WDR12: variants seen among roughly 807,000 people sequenced by gnomAD.
WDR12 encodes the protein ribosome biogenesis protein WDR12.
In WDR12, 42 loss-of-function variants were observed where a neutral mutation model predicts 64.3. The ratio of observed to expected loss-of-function variants is 0.65; its 90% confidence interval spans 0.51 to 0.84. The LOEUF is 0.84. Among genes scored for constraint, WDR12 ranks in the 40% least tolerant of loss-of-function variants. WDR12 has a pLI of 0.00. For synonymous variants in WDR12, 158 were observed against 173.3 expected (o/e 0.91, Z 0.70); for missense variants, 469 against 494.6 (o/e 0.95, Z 0.49).
chr2:202,877,511 A>T lies in WDR12; in HGVS notation c.*3349T>A, dbSNP rs544016415. The T allele has an allele frequency of 2.8e-4, 42 of 149,882 alleles. No homozygotes were observed. In the East Asian group the frequency reaches 4.2e-3, roughly 15 times the overall value. The allele number at this position is 149,882 out of a possible 1,614,324, so 9.3% of individuals were successfully genotyped here. ...AAAAAAGTAATAATAAAAATAAATT[A>T]AAAAATAAAAAATAAAAAATTGACT... On this transcript the variant is annotated 3_prime_UTR_variant, in exon 13 of 13. Coordinates refer to ENST00000261015, the MANE Select transcript of WDR12 (RefSeq NM_018256.4).
At chr2:202,908,020 T>A in intron 1 of WDR12, 61 bp from the exon 2 acceptor site, 1 of 1,462,420 alleles carries the variant, frequency 6.8e-7, no homozygotes, top group Non-Finnish European at 9.5e-7. Flanking sequence ...AACATGCTTT[T>A]ACGAATTCAA....
intron 7 of WDR12, 100 bp downstream of exon 7, chr2:202,894,481 T>A: frequency 4.9e-6 from 5 of 1,021,630 alleles, no homozygotes; most frequent in Non-Finnish European, 7.0e-6. Flanking sequence ...CCTGGCTTCC[T>A]GAAGTGCTGA....
At chr2:202,894,864 C>CA in intron 6 of WDR12, 1 of 378,542 alleles carries the variant, frequency 2.6e-6, no homozygotes, top group Non-Finnish European at 4.8e-6. Flanking sequence ...AGAATAAAGT[C>CA]AACTTGAGGG....
intron 2 of WDR12, among the ~76,000 whole-genome samples, chr2:202,905,428 C>T (rs772479342): frequency 2.0e-5 from 3 of 152,250 alleles, no homozygotes; most frequent in Non-Finnish European, 4.4e-5. Context: ...CAGGCGTGGG[C>T]CACCACGCCA....
chr2:202,891,571 A>T (rs1276395115), intron 8 of WDR12, among the ~76,000 whole-genome samples: 3 of 152,226 alleles, frequency 2.0e-5, no homozygotes, highest in Non-Finnish European at 2.9e-5. Flanking sequence ...CATTACTTTC[A>T]GCTGGAACCA....
chr2:202,891,444 T>C (rs1214648254), intron 8 of WDR12, among the ~76,000 whole-genome samples: 2 of 152,190 alleles, frequency 1.3e-5, no homozygotes, highest in Non-Finnish European at 2.9e-5. Flanking sequence ...GCCACCACAG[T>C]TGGCCTCCAT....
At chr2:202,902,281 T>C (rs1323850097) in intron 2 of WDR12, among the ~76,000 whole-genome samples, 2 of 152,170 alleles carry the variant, frequency 1.3e-5, no homozygotes, top group Non-Finnish European at 2.9e-5. Context: ...CCAAGTAAGA[T>C]TTATCCCAGG....
intron 2 of WDR12, among the ~76,000 whole-genome samples, chr2:202,904,052 C>T (rs577817029): frequency 3.5e-4 from 49 of 141,808 alleles, no homozygotes; most frequent in Middle Eastern, 3.7e-3. Flanking sequence ...GCAGGAGAAT[C>T]GCTTGAAACC....
intron 2 of WDR12, 144 bp downstream of exon 2, chr2:202,907,718 CCAG>C: frequency 1.7e-6 from 1 of 593,624 alleles, no homozygotes; most frequent in Admixed American, 2.9e-5. Flanking sequence ...ACAGTATCAT[CCAG>C]CAGAAGAACC....
intron 2 of WDR12, among the ~76,000 whole-genome samples, chr2:202,902,792 A>G (rs1688372434): frequency 6.6e-6 from 1 of 152,152 alleles, no homozygotes; most frequent in African/African-American, 2.4e-5. Context: ...CGTGTGAGTC[A>G]ATACTCCTTA....
At chr2:202,902,513 T>C (rs776087443) in intron 2 of WDR12, among the ~76,000 whole-genome samples, 3 of 152,152 alleles carry the variant, frequency 2.0e-5, no homozygotes, top group Non-Finnish European at 2.9e-5. Flanking sequence ...ATGGCTAGGA[T>C]AAAAGGAGGC....
Position 202,876,012 on chromosome 2 carries a change from G to A in WDR12, c.*4848C>T, listed in dbSNP as rs1687852292. ...ACTTCCTCAAATCTGCAAATCATTG[G>A]AACTGCTATTAGAACAACCATTAGG... On this transcript the variant is annotated 3_prime_UTR_variant, in exon 13 of 13. Transcript: ENST00000261015. 6.6e-6 allele frequency: 1 copy of A among 152,126 alleles called. No individual in the cohort carries two copies. Among genetic ancestry groups the A allele is most frequent in the Non-Finnish European group, 1.5e-5 (1 of 68,034 alleles). The allele number at this position is 152,126 out of a possible 1,614,324, so 9.4% of individuals were successfully genotyped here. A position where few individuals can be genotyped will look rare whatever the true frequency, so the allele number is the denominator to read the frequency against.
intron 8 of WDR12, among the ~76,000 whole-genome samples, chr2:202,885,874 A>G (rs1688037216): frequency 6.6e-6 from 1 of 152,166 alleles, no homozygotes; most frequent in South Asian, 2.1e-4. Context: ...AGCCTAGGCA[A>G]CATAGTAAGA....
rs745954822 is a variant in WDR12, at chr2:202,897,385, A to G, written c.369T>C (p.Ser123=). Reference sequence around the variant, plus strand: ...ACTTTCCTTCCAAGGACCAGATCCGAGAAGTCTTATCATAAGAACCAGTCA... The same window carrying G: ...ACTTTCCTTCCAAGGACCAGATCCGGGAAGTCTTATCATAAGAACCAGTCA... ...WILTGSYDKT[S]RIWSLEGKSI... Residue 123 remains serine (S), a synonymous_variant, in exon 5 of 13, where the codon TCT becomes TCC. Coordinates refer to ENST00000261015, the MANE Select transcript of WDR12 (RefSeq NM_018256.4). 1 of 1,592,386 alleles carries G rather than the reference A, an allele frequency of 6.3e-7. No homozygotes were observed. Among genetic ancestry groups the G allele is most frequent in the East Asian group, 2.3e-5 (1 of 42,948 alleles).
intron 11 of WDR12, 187 bp downstream of exon 11, chr2:202,883,422 C>A: frequency 1.8e-6 from 1 of 560,648 alleles, no homozygotes; most frequent in Non-Finnish European, 3.0e-6. Context: ...AGGTGTGAGC[C>A]ACTGTGCCTG....
intron 8 of WDR12, among the ~76,000 whole-genome samples, chr2:202,891,218 C>CAA (rs1282956939): frequency 6.6e-6 from 1 of 152,130 alleles, no homozygotes; most frequent in East Asian, 1.9e-4. Flanking sequence ...GTTGCTCAGG[C>CAA]TAGAGTCCAG....
intron 1 of WDR12, among the ~76,000 whole-genome samples, chr2:202,909,964 T>G (rs1286024389): frequency 6.6e-6 from 1 of 151,802 alleles, no homozygotes; most frequent in African/African-American, 2.4e-5. Context: ...CCTGGCAAAT[T>G]TTTTGTATTT....
chr2:202,909,182 C>T (rs1217237499), intron 1 of WDR12, among the ~76,000 whole-genome samples: 1 of 152,176 alleles, frequency 6.6e-6, no homozygotes, highest in Non-Finnish European at 1.5e-5. Context: ...AACTCCACTC[C>T]TAAGCATATA....
At chr2:202,901,621 C>G (rs1688350614) in intron 2 of WDR12, among the ~76,000 whole-genome samples, 1 of 152,148 alleles carries the variant, frequency 6.6e-6, no homozygotes, top group Non-Finnish European at 1.5e-5. Flanking sequence ...AATCAGCATC[C>G]ATAATCCATA....
Sources: gnomAD v4.1 joint callset for allele counts (sites outside exome capture counted in the v4.1 genomes callset) on GRCh38, gnomAD v4.1.1 for gene constraint, MANE v1.5 for transcripts, NCBI Gene and HGNC (gene_info 2026-07-23, HGNC 2026-07-21) for gene names.